Variants in AHNAK2 observed in about 807,000 individuals in gnomAD.
AHNAK2 encodes protein AHNAK2.
In AHNAK2, 18 loss-of-function variants were observed where a neutral mutation model predicts 30.7. The ratio of observed to expected loss-of-function variants is 0.59; its 90% confidence interval spans 0.41 to 0.87. The LOEUF is 0.87. Ranked by LOEUF, AHNAK2 falls within the 40% of genes least tolerant of loss-of-function variation. The pLI is 0.00. For synonymous variants in AHNAK2, 3,590 were observed against 3,073.8 expected, an observed-to-expected ratio of 1.17 and a Z score of -5.56; for missense variants, 8,604 against 7,373.0, an observed-to-expected ratio of 1.17 and a Z score of -6.11.
In AHNAK2 at chr14:104,945,416, G is replaced by A. The variant is rs535259081; in HGVS notation, c.10035C>T (p.Pro3345=). 1.2e-5 allele frequency: 19 copies of A among 1,613,160 alleles called. No individual in the cohort carries two copies. Among genetic ancestry groups the A allele is most frequent in the East Asian group, 2.2e-5 (1 of 44,810 alleles). The change falls in exon 7 of 7, where the codon CCC becomes CCT. Residue 3345 remains proline (P), a synonymous_variant. Coordinates refer to ENST00000333244, the MANE Select transcript of AHNAK2 (RefSeq NM_138420.4). ...TGGTCTTGAGGTCCCCCTGCATGGA[G>A]GGGAGGCTCACGTCGGCCTCCGCCT... ...APKAEADVSL[P]SMQGDLKTTD...
rs756617737 is a variant in AHNAK2, at chr14:104,949,763, C to A, written c.5688G>T (p.Val1896=). ...GCCCTTTGAGGCCGGCTCCCTCGGG[C>A]ACCTGGCCCTCCGGGAGCTTCATGT... is the stretch of plus-strand genomic sequence containing the variant. The part of the protein sequence containing the change: ...QVDMKLPEGQ[V]PEGAGLKGHL... The change falls in exon 7 of 7, where the codon GTG becomes GTT. Residue 1896 remains valine, a synonymous_variant. Transcript: ENST00000333244. 13 of 1,586,852 alleles carry A rather than the reference C, an allele frequency of 8.2e-6. 1 individual carries two copies. The highest frequency in any genetic ancestry group is 1.7e-4 in the Middle Eastern group (1 of 6,022).
intron 1 of AHNAK2, among the ~76,000 whole-genome samples, chr14:104,971,673 C>T (rs1183220977): frequency 6.6e-6 from 1 of 152,260 alleles, no homozygotes; most frequent in African/African-American, 2.4e-5. Flanking sequence ...GCCTGGCCCA[C>T]CTCCTGGTCA....
chr14:104,972,414 T>C (rs1009090345), intron 1 of AHNAK2, among the ~76,000 whole-genome samples: 4 of 151,888 alleles, frequency 2.6e-5, no homozygotes, highest in African/African-American at 9.7e-5. Context: ...GTCAGCGCCG[T>C]ACCCAGAGGC....
Position 104,953,390 on chromosome 14 carries a change from C to G in AHNAK2, c.2061G>C (p.Ala687=). 3 of 1,613,942 alleles carry G rather than the reference C, an allele frequency of 1.9e-6. No individual in the cohort carries two copies. The highest frequency in any genetic ancestry group is 2.5e-6 in the Non-Finnish European group (3 of 1,179,892). ...MPKFKMPLFG[A]SAPGKSMEAS... ...CCTCCATGGACTTGCCTGGGGCTGACGCCCCGAACAATGGCATCTTGAACT... is the reference window on the plus strand; with the variant it reads ...CCTCCATGGACTTGCCTGGGGCTGAGGCCCCGAACAATGGCATCTTGAACT... Residue 687 remains alanine (A), a synonymous_variant, in exon 7 of 7, where the codon GCG becomes GCC. Transcript: ENST00000333244.
rs948807915 is a variant in AHNAK2, at chr14:104,952,116, C to A, written c.3335G>T (p.Ser1112Ile). The A allele has an allele frequency of 6.2e-7, 1 of 1,600,030 alleles. No homozygotes were observed. Among genetic ancestry groups the A allele is most frequent in the Non-Finnish European group, 8.5e-7 (1 of 1,177,738 alleles). Residue 1112 changes from serine to isoleucine, a missense_variant, in exon 7 of 7, where the codon AGC becomes ATC. By Grantham distance (142) the Ser-to-Ile change is moderately radical (BLOSUM62 -2). Transcript: ENST00000333244. ...AGGGGCTGTGACTTCCGCCTTGGGG[C>A]TTTTCAGGTCCAGCTTGGGGCCCTT... Reference protein sequence around the residue: ...DVKGPKLDLKSPKAEVTAPDV... With the variant: ...DVKGPKLDLKIPKAEVTAPDV...
rs977034852 is a variant in AHNAK2, at chr14:104,941,406, C to T, written c.14045G>A (p.Arg4682His). The T allele has an allele frequency of 1.7e-5, 28 of 1,613,062 alleles. No individual in the cohort carries two copies. The highest frequency in any genetic ancestry group is 5.0e-5 in the Admixed American group (3 of 59,998). The change falls in exon 7 of 7, where the codon CGC becomes CAC. Residue 4682 changes from arginine to histidine, a missense_variant. Transcript: ENST00000333244. ...AACAGCAAGCCCCAAGTTACCATCGCGAGATGGATCATGAAGATCACCTTC... is the reference window on the plus strand; with the variant it reads ...AACAGCAAGCCCCAAGTTACCATCGTGAGATGGATCATGAAGATCACCTTC... Reference protein sequence around the residue: ...VHEGDLHDPSRDGNLGLAVGE... With the variant: ...VHEGDLHDPSHDGNLGLAVGE...
In AHNAK2 at chr14:104,978,270, C is replaced by CGTCGCGTCCA; in HGVS notation, c.-43_-34dup. ...GCCAGGCGGTGCGGGCCTGGCGGCCCGTCGCGTCCAGTCGCTGGTCCCGGC... is the reference window on the plus strand; with the variant it reads ...GCCAGGCGGTGCGGGCCTGGCGGCCCGTCGCGTCCAGTCGCGTCCAGTCGCTGGTCCCGGC... On this transcript the variant is annotated 5_prime_UTR_variant, in exon 1 of 7. Coordinates refer to ENST00000333244, the MANE Select transcript of AHNAK2 (RefSeq NM_138420.4). 9.5e-7 allele frequency: 1 copy of CGTCGCGTCCA among 1,058,196 alleles called. No individual in the cohort carries two copies. Among genetic ancestry groups the CGTCGCGTCCA allele is most frequent in the Non-Finnish European group, 1.1e-6 (1 of 872,608 alleles). 65.6% of individuals were successfully genotyped at this position (1,058,196 alleles called of 1,614,324 possible). A position where few individuals can be genotyped will look rare whatever the true frequency, so the allele number is the denominator to read the frequency against.
At chr14:104,957,589 CA>C (rs1566922618) in intron 2 of AHNAK2, 24 bp downstream of exon 2, 2 of 1,606,888 alleles carry the variant, frequency 1.2e-6, no homozygotes, top group African/African-American at 2.7e-5. Flanking sequence ...ATGAGGAGGA[CA>C]CACTTCCTCC....
At position 104,947,949 on chromosome 14, in the gene AHNAK2, G is replaced by A; in HGVS notation, c.7502C>T (p.Ser2501Phe). 6.2e-7 allele frequency: 1 copy of A among 1,612,884 alleles called. No individual in the cohort carries two copies. The highest frequency in any genetic ancestry group is 8.5e-7 in the Non-Finnish European group (1 of 1,179,632). The change falls in exon 7 of 7, where the codon TCC becomes TTC. Residue 2501 changes from serine (S) to phenylalanine (F), a missense_variant. Coordinates refer to ENST00000333244, the MANE Select transcript of AHNAK2 (RefSeq NM_138420.4). ...PSFGVSAPGK[S>F]IEASVDVSAP... ...AGACACATCCACCGAGGCCTCGATGGACTTGCCTGGGGCAGACACCCCGAA... is the reference window on the plus strand; with the variant it reads ...AGACACATCCACCGAGGCCTCGATGAACTTGCCTGGGGCAGACACCCCGAA...
rs1314150637 is a variant in AHNAK2 at position 104,939,236 on chromosome 14, C to T, written c.16215G>A (p.Val5405=). Residue 5405 remains valine, a synonymous_variant, in exon 7 of 7, where the codon GTG becomes GTA. Coordinates refer to ENST00000333244, the MANE Select transcript of AHNAK2 (RefSeq NM_138420.4). ...GCACTTCCCTCACAGTGGGGATGAACACATCATCCTCTGAGCTGGGGGCAG... is the reference window on the plus strand; with the variant it reads ...GCACTTCCCTCACAGTGGGGATGAATACATCATCCTCTGAGCTGGGGGCAG... The part of the protein sequence containing the change: ...SFPAPSSEDD[V]FIPTVREVQC... 12 of 1,613,806 alleles carry T rather than the reference C, an allele frequency of 7.4e-6. No homozygotes were observed. Among genetic ancestry groups the T allele is most frequent in the Non-Finnish European group, 1.0e-5 (12 of 1,179,820 alleles).
At chr14:104,965,401 C>CAAAAAAAAAAAAAAAAAA (rs397853385) in intron 1 of AHNAK2, among the ~76,000 whole-genome samples, 1 of 85,520 alleles carries the variant, frequency 1.2e-5, no homozygotes, top group Non-Finnish European at 2.3e-5. Context: ...AACTCTGTCT[C>CAAAAAAAAAAAAAAAAAA]AAAAAAAAAA....
rs1464289107 is a variant in AHNAK2, at chr14:104,939,695, C to T, written c.15756G>A (p.Glu5252=). The T allele has an allele frequency of 1.2e-6, 2 of 1,613,806 alleles. No individual in the cohort carries two copies. Among genetic ancestry groups the T allele is most frequent in the East Asian group, 2.2e-5 (1 of 44,896 alleles). ...VEAAMSLQLP[E]ADAEVTASES... The stretch of plus-strand genomic sequence containing the variant: ...CAGAAGCTGTCACTTCTGCATCTGC[C>T]TCTGGGAGCTGTAGGGACATAGCTG... The change falls in exon 7 of 7, where the codon GAG becomes GAA. Residue 5252 remains glutamate, a synonymous_variant. Transcript: ENST00000333244.
Position 104,950,659 on chromosome 14 carries a change from C to A in AHNAK2, c.4792G>T (p.Val1598Phe), listed in dbSNP as rs779045816. 4.4e-6 allele frequency: 7 copies of A among 1,584,838 alleles called. 1 individual carries two copies. The highest frequency in any genetic ancestry group is 6.0e-6 in the Non-Finnish European group (7 of 1,162,232). ...KVDLKGPQIDVKGPKLDLKGP... is the reference protein window; with the variant it reads ...KVDLKGPQIDFKGPKLDLKGP... ...TTCAGGTCCAGCTTGGGGCCCTTAA[C>A]ATCTATCTGGGGCCCCTTGAGGTCC... Residue 1598 changes from valine to phenylalanine, a missense_variant, in exon 7 of 7, where the codon GTT (valine) becomes TTT (phenylalanine). Physicochemically the swap from Val to Phe is conservative, Grantham distance 50. Coordinates refer to ENST00000333244, the MANE Select transcript of AHNAK2 (RefSeq NM_138420.4).
chr14:104,946,775 G>A lies in AHNAK2; in HGVS notation c.8676C>T (p.Leu2892=), dbSNP rs1452379177. The change falls in exon 7 of 7, where the codon CTC becomes CTT. Residue 2892 remains leucine (L), a synonymous_variant. Coordinates refer to ENST00000333244, the MANE Select transcript of AHNAK2 (RefSeq NM_138420.4). ...TCTGCACCTTGGGCAGGTGCCCTTTGAGGCCGGCTCCCTCGGGAACGTGGC... is the reference window on the plus strand; with the variant it reads ...TCTGCACCTTGGGCAGGTGCCCTTTAAGGCCGGCTCCCTCGGGAACGTGGC... ...PEGHVPEGAG[L]KGHLPKVQMP... 1 of 1,612,760 alleles carries A rather than the reference G, an allele frequency of 6.2e-7. No homozygotes were observed. Among genetic ancestry groups the A allele is most frequent in the African/African-American group, 1.3e-5 (1 of 74,578 alleles).
rs748838701 is a variant in AHNAK2, at chr14:104,940,254, C to T, written c.15197G>A (p.Ser5066Asn). ...ACCAAGTCCTCCCCTACCACCGTCACTGCTGGCCTTTTCTGTGTCTTGAAA... is the reference window on the plus strand; with the variant it reads ...ACCAAGTCCTCCCCTACCACCGTCATTGCTGGCCTTTTCTGTGTCTTGAAA... ...GSFQDTEKAS[S>N]DGGRGGLGAT... Residue 5066 changes from serine (S) to asparagine (N), a missense_variant, in exon 7 of 7, where the codon AGT becomes AAT. By Grantham distance (46) the Ser-to-Asn change is conservative (BLOSUM62 1). Transcript: ENST00000333244. This position sits in a 1 kb window ranked among gnomAD's most constrained non-coding sequence, Gnocchi z 4.4. 5 of 1,613,696 alleles carry T rather than the reference C, an allele frequency of 3.1e-6. No homozygotes were observed. The highest frequency in any genetic ancestry group is 3.4e-6 in the Non-Finnish European group (4 of 1,179,898).
At chr14:104,973,609 C>T (rs935868531) in intron 1 of AHNAK2, among the ~76,000 whole-genome samples, 2 of 152,174 alleles carry the variant, frequency 1.3e-5, no homozygotes, top group Admixed American at 1.3e-4. Flanking sequence ...CCCAAGTGTC[C>T]TGCCCCTGCC....
chr14:104,947,815 G>A lies in AHNAK2; in HGVS notation c.7636C>T (p.Gln2546Ter). 2 of 1,612,608 alleles carry A rather than the reference G, an allele frequency of 1.2e-6. No homozygotes were observed. Among genetic ancestry groups the A allele is most frequent in the South Asian group, 1.1e-5 (1 of 91,054 alleles). ...CCCTCTGGGAGTTTCACGTCCACTT[G>A]GCCAGCCTGGACCTCCAGGTCAGCG... ...PSADLEVQAG[Q>*]VDVKLPEGPV... The change falls in exon 7 of 7, where the codon CAA becomes TAA. Residue 2546 changes from glutamine (Q) to a stop codon, truncating the protein, a stop_gained. Transcript: ENST00000333244. LOFTEE classifies it low-confidence loss of function (END_TRUNC).
In AHNAK2 at chr14:104,947,317, C is replaced by G. The variant is rs963891580; in HGVS notation, c.8134G>C (p.Val2712Leu). 6.2e-7 allele frequency: 1 copy of G among 1,612,122 alleles called. No homozygotes were observed. Among genetic ancestry groups the G allele is most frequent in the South Asian group, 1.1e-5 (1 of 91,036 alleles). Reference protein sequence around the residue: ...SAQLEVQAGQVDVKLPEGHVP... With the variant: ...SAQLEVQAGQLDVKLPEGHVP... Reference sequence around the variant, plus strand: ...TGGCCCTCTGGGAGTTTCACATCCACCTGGCCAGCCTGGACCTCCAGTTGG... The same window carrying G: ...TGGCCCTCTGGGAGTTTCACATCCAGCTGGCCAGCCTGGACCTCCAGTTGG... Residue 2712 changes from valine to leucine, a missense_variant, in exon 7 of 7, where the codon GTG (valine) becomes CTG (leucine). Val to Leu is a conservative substitution (Grantham distance 32). Coordinates refer to ENST00000333244, the MANE Select transcript of AHNAK2 (RefSeq NM_138420.4).
Position 104,955,515 on chromosome 14 carries a change from G to C in AHNAK2, c.434C>G (p.Ser145Cys). 1 of 1,613,598 alleles carries C rather than the reference G, an allele frequency of 6.2e-7. No individual in the cohort carries two copies. The highest frequency in any genetic ancestry group is 8.5e-7 in the Non-Finnish European group (1 of 1,179,782). ...CAAGTTAAAAAGCTTGGCGGCTGAG[G>C]AGTCCTTCAGCACTTGCTTGACGAA... ...GIFVKQVLKD[S>C]SAAKLFNLRE... The change falls in exon 5 of 7, where the codon TCC becomes TGC. Residue 145 changes from serine (S) to cysteine (C), a missense_variant. Ser to Cys is a moderately radical substitution (Grantham distance 112). Transcript: ENST00000333244.
Sources: gnomAD v4.1 joint callset for allele counts (sites outside exome capture counted in the v4.1 genomes callset) on GRCh38, gnomAD v4.1.1 for gene constraint, Gnocchi (gnomAD v3.1) non-coding constraint, MANE v1.5 for transcripts, NCBI Gene and HGNC (gene_info 2026-07-23, HGNC 2026-07-21) for gene names.